The following SLC24A2 variants were observed in gnomAD, a reference collection of about 807,000 sequenced individuals.
The protein encoded by SLC24A2 is solute carrier family 24 member 2.
SLC24A2 carries 36 observed loss-of-function variants against 62.0 expected under a neutral mutation model. That is an observed-to-expected ratio of 0.58 (90% CI 0.44 to 0.77). The LOEUF is 0.77. Among genes scored for constraint, SLC24A2 ranks in the 30% least tolerant of loss-of-function variants. The probability of loss-of-function intolerance (pLI) is 0.00; values close to 1 mark genes in which losing one functional copy is unlikely to be tolerated. For missense variants in SLC24A2, 846 were observed against 817.9 expected, an observed-to-expected ratio of 1.03 and a Z score of -0.42; for synonymous variants, 358 against 294.0, an observed-to-expected ratio of 1.22 and a Z score of -2.23.
chr9:20,032,960 T>G, the SLC24A2 span, among the ~76,000 whole-genome samples: 2 of 152,212 alleles, frequency 1.3e-5, no homozygotes, highest in Non-Finnish European at 2.9e-5. Context: ...ACAGCTGGTA[T>G]GCTTTGCCTT....
chr9:19,816,791 G>T, the SLC24A2 span, among the ~76,000 whole-genome samples: 2 of 151,894 alleles, frequency 1.3e-5, no homozygotes, highest in African/African-American at 4.8e-5. Flanking sequence ...ACTATGGCAA[G>T]AACACCACCA....
Position 19,786,352 on chromosome 9 carries a change from T to C in SLC24A2, c.515A>G (p.Asp172Gly). The stretch of plus-strand genomic sequence containing the variant: ...CATGAAGGTGGCTCCAGCCACATCA[T>C]CAGAGATGCCCAGTTTTTCAGTGAT... ...TVITEKLGIS[D>G]DVAGATFMAA... The change falls in exon 2 of 11, where the codon GAT becomes GGT. Residue 172 changes from aspartate to glycine, a missense_variant. Asp to Gly is a moderately conservative substitution (Grantham distance 94). Transcript: ENST00000341998. This position sits in a 1 kb window ranked among gnomAD's most constrained non-coding sequence, Gnocchi z 5.0. 2 of 1,614,192 alleles carry C rather than the reference T, an allele frequency of 1.2e-6. No homozygotes were observed. The highest frequency in any genetic ancestry group is 1.7e-6 in the Non-Finnish European group (2 of 1,180,042).
intron 7 of SLC24A2, among the ~76,000 whole-genome samples, chr9:19,553,082 G>A (rs1157518255): frequency 6.6e-6 from 1 of 152,150 alleles, no homozygotes; most frequent in Admixed American, 6.5e-5. Flanking sequence ...TAGAATCCTG[G>A]GGTGGATTTG....
chr9:19,620,133 C>G (rs1227865354), intron 3 of SLC24A2, among the ~76,000 whole-genome samples: 1 of 152,270 alleles, frequency 6.6e-6, no homozygotes, highest in Admixed American at 6.5e-5. Context: ...TTCTCTAAAC[C>G]AGTGGGTGGT....
At chr9:20,222,079 A>G in the SLC24A2 span, among the ~76,000 whole-genome samples, 1 of 152,232 alleles carries the variant, frequency 6.6e-6, no homozygotes, top group Admixed American at 6.5e-5. Context: ...TAGTAAAAGT[A>G]GGCTAAGATC....
the SLC24A2 span, among the ~76,000 whole-genome samples, chr9:19,837,870 A>G: frequency 4.6e-5 from 7 of 152,198 alleles, no homozygotes; most frequent in East Asian, 1.4e-3. Flanking sequence ...AGGGACGTGA[A>G]GGACCTCTTC....
chr9:19,851,855 A>G, the SLC24A2 span, among the ~76,000 whole-genome samples: 1 of 152,304 alleles, frequency 6.6e-6, no homozygotes, highest in Non-Finnish European at 1.5e-5. Context: ...CAGTAATGGA[A>G]TTGCTGGGTC....
At chr9:20,267,925 C>T in the SLC24A2 span, among the ~76,000 whole-genome samples, 1 of 152,054 alleles carries the variant, frequency 6.6e-6, no homozygotes, top group Non-Finnish European at 1.5e-5. Flanking sequence ...GAATAGGGCC[C>T]TCAACCCTCT....
rs1285765569 is a variant in SLC24A2, at chr9:19,784,734, A to AT, written c.930+1202dup. ...TGTTTGCCGTATATTTTGCTAAATG[A>AT]TTTTTTGGTTTTACTATAGTTTCTA... is the stretch of plus-strand genomic sequence containing the variant. On this transcript the variant is annotated intron_variant, in intron 2 of 10. Coordinates refer to ENST00000341998, the MANE Select transcript of SLC24A2 (RefSeq NM_020344.4). Among the ~76,000 whole-genome samples, 3 of 152,216 alleles carry AT rather than the reference A, an allele frequency of 2.0e-5. No individual in the cohort carries two copies. In the East Asian group the frequency reaches 5.8e-4, roughly 29 times the overall value.
chr9:20,269,521 G>T, the SLC24A2 span, among the ~76,000 whole-genome samples: 3 of 152,156 alleles, frequency 2.0e-5, no homozygotes, highest in African/African-American at 7.2e-5. Context: ...GTGAAAGGAG[G>T]AGTGTTCTGG....
At chr9:19,735,323 G>A (rs1010784658) in intron 2 of SLC24A2, among the ~76,000 whole-genome samples, 49 of 152,230 alleles carry the variant, frequency 3.2e-4, no homozygotes, top group African/African-American at 1.2e-3. Flanking sequence ...TCTCACACCA[G>A]TTAGAATGGC....
At chr9:20,162,711 C>A in the SLC24A2 span, among the ~76,000 whole-genome samples, 1 of 152,038 alleles carries the variant, frequency 6.6e-6, no homozygotes, top group Admixed American at 6.6e-5. Flanking sequence ...CCTTGATGAA[C>A]ATTGATGCAA....
intron 5 of SLC24A2, among the ~76,000 whole-genome samples, chr9:19,583,423 T>A (rs1471498290): frequency 6.6e-6 from 1 of 152,344 alleles, no homozygotes; most frequent in East Asian, 1.9e-4. Flanking sequence ...TCTAATATAC[T>A]ATATCATTAT....
At chr9:19,964,837 G>T in the SLC24A2 span, among the ~76,000 whole-genome samples, 2 of 152,230 alleles carry the variant, frequency 1.3e-5, no homozygotes, top group African/African-American at 4.8e-5. Flanking sequence ...TCCAGGTCAA[G>T]TGTGTGTTTA....
chr9:20,006,280 A>G, the SLC24A2 span, among the ~76,000 whole-genome samples: 3 of 151,994 alleles, frequency 2.0e-5, no homozygotes, highest in Non-Finnish European at 4.4e-5. Context: ...TTTAATATGC[A>G]ATTAAATGTA....
chr9:19,991,226 G>A, the SLC24A2 span, among the ~76,000 whole-genome samples: 1 of 152,044 alleles, frequency 6.6e-6, no homozygotes, highest in African/African-American at 2.4e-5. Flanking sequence ...TGTGGCTGAA[G>A]GCCCAAGAGC....
intron 7 of SLC24A2, among the ~76,000 whole-genome samples, chr9:19,569,501 C>T (rs1041994812): frequency 1.3e-5 from 2 of 151,856 alleles, no homozygotes; most frequent in Non-Finnish European, 2.9e-5. Flanking sequence ...GCACAATGTC[C>T]TTCATGATCC....
At chr9:20,286,523 A>G in the SLC24A2 span, among the ~76,000 whole-genome samples, 2 of 152,220 alleles carry the variant, frequency 1.3e-5, no homozygotes, top group East Asian at 1.9e-4. Flanking sequence ...AAAAGGTTTT[A>G]CAGAAAAGCA....
the SLC24A2 span, among the ~76,000 whole-genome samples, chr9:20,060,224 C>A: frequency 6.6e-5 from 10 of 152,086 alleles, no homozygotes; most frequent in East Asian, 1.7e-3. Context: ...TTTTACCAAA[C>A]ATTTAAAGAA....
Sources: allele counts gnomAD v4.1 joint callset (sites outside exome capture counted in the v4.1 genomes callset), GRCh38; gene constraint gnomAD v4.1.1; non-coding constraint Gnocchi (gnomAD v3.1); transcripts MANE v1.5; gene names NCBI Gene and HGNC (gene_info 2026-07-23, HGNC 2026-07-21).